Variants in DOP1A observed in about 807,000 individuals in gnomAD.
DOP1A encodes protein DOP1A.
DOP1A carries 90 observed loss-of-function variants against 267.6 expected under a neutral mutation model. That is an observed-to-expected ratio of 0.34 (90% CI 0.28 to 0.40). The LOEUF (loss-of-function observed/expected upper bound fraction) is 0.40, where lower values mean the gene tolerates loss of function less well. Ranked by LOEUF, DOP1A falls within the 10% of genes least tolerant of loss-of-function variation. DOP1A has a pLI of 1.00. For missense variants in DOP1A, 2,437 were observed against 2,900.4 expected, an observed-to-expected ratio of 0.84 and a Z score of 3.67; for synonymous variants, 932 against 999.1, an observed-to-expected ratio of 0.93 and a Z score of 1.27.
At position 83,119,831 on chromosome 6, in the gene DOP1A, A is replaced by G. The variant is rs1432553787; in HGVS notation, c.964A>G (p.Thr322Ala). The change falls in exon 9 of 39, where the codon ACC (threonine) becomes GCC (alanine). Residue 322 changes from threonine (T) to alanine (A), a missense_variant. Transcript: ENST00000349129. ...AGAACATGCCACTTACTATTTCACT[A>G]CCTTTTCAAAAGAATTATTAGTCCA... ...PEEHATYYFTTFSKELLVQAM... is the reference protein window; with the variant it reads ...PEEHATYYFTAFSKELLVQAM... 1 of 1,612,574 alleles carries G rather than the reference A, an allele frequency of 6.2e-7. No individual in the cohort carries two copies. The highest frequency in any genetic ancestry group is 1.1e-5 in the South Asian group (1 of 91,002).
intron 3 of DOP1A, among the ~76,000 whole-genome samples, chr6:83,099,233 C>T (rs1047130986): frequency 2.6e-5 from 4 of 152,100 alleles, no homozygotes; most frequent in Non-Finnish European, 4.4e-5. Context: ...CAACCTGATA[C>T]GACAGATAAT....
At chr6:83,074,065 T>C (rs1183783844) in intron 1 of DOP1A, among the ~76,000 whole-genome samples, 1 of 152,246 alleles carries the variant, frequency 6.6e-6, no homozygotes, top group Non-Finnish European at 1.5e-5. Context: ...TAGAAGCCAG[T>C]ATGTGAATAT....
At chr6:83,159,996 G>C in intron 37 of DOP1A, 36 bp downstream of exon 37, 1 of 1,605,094 alleles carries the variant, frequency 6.2e-7, no homozygotes, top group East Asian at 2.2e-5. Context: ...GGTTATTTTT[G>C]AAAGTGCATT....
In DOP1A at chr6:83,137,335, T is replaced by C; in HGVS notation, c.3293T>C (p.Leu1098Pro). ...TIPMVVSDFD[L>P]PDQQIEILQS... ...CCAATGGTTGTGTCTGATTTTGATCTTCCAGACCAACAGATAGAAATACTT... is the reference window on the plus strand; with the variant it reads ...CCAATGGTTGTGTCTGATTTTGATCCTCCAGACCAACAGATAGAAATACTT... Residue 1098 changes from leucine (L) to proline (P), a missense_variant, in exon 21 of 39, where the codon CTT (leucine) becomes CCT (proline). Physicochemically the swap from Leu to Pro is moderately conservative, Grantham distance 98. Transcript: ENST00000349129. 6.2e-7 allele frequency: 1 copy of C among 1,613,800 alleles called. No homozygotes were observed.
chr6:83,074,341 C>A (rs1400346754), intron 1 of DOP1A, among the ~76,000 whole-genome samples: 1 of 151,974 alleles, frequency 6.6e-6, no homozygotes, highest in Non-Finnish European at 1.5e-5. Flanking sequence ...GGAGGAAATA[C>A]CACATTTTAC....
chr6:83,127,164 T>G (rs1175839002), intron 15 of DOP1A, among the ~76,000 whole-genome samples: 1 of 152,198 alleles, frequency 6.6e-6, no homozygotes, highest in Admixed American at 6.5e-5. Flanking sequence ...GTTGCAAATC[T>G]TATGACTTCT....
intron 1 of DOP1A, among the ~76,000 whole-genome samples, chr6:83,071,072 C>T (rs1785505887): frequency 6.6e-6 from 1 of 152,208 alleles, no homozygotes; most frequent in South Asian, 2.1e-4. Flanking sequence ...AAACTATTGC[C>T]TGCAGGAGGC....
At chr6:83,088,040 C>T (rs1055987525) in intron 1 of DOP1A, among the ~76,000 whole-genome samples, 1 of 151,986 alleles carries the variant, frequency 6.6e-6, no homozygotes, top group African/African-American at 2.4e-5. Flanking sequence ...CCCGGCTAAC[C>T]TTTTGTATTT....
At chr6:83,125,137 C>T in intron 13 of DOP1A, 29 bp from the exon 14 acceptor site, 1 of 1,574,226 alleles carries the variant, frequency 6.4e-7, no homozygotes, top group Non-Finnish European at 8.6e-7. Context: ...TGTTTTCTCT[C>T]CTCACTTCTT....
At chr6:83,132,108 T>A in intron 17 of DOP1A, 68 bp from the exon 18 acceptor site, 1 of 1,548,150 alleles carries the variant, frequency 6.5e-7, no homozygotes, top group Non-Finnish European at 8.8e-7. Flanking sequence ...CATTTGTACC[T>A]AATAGGAAAT....
At chr6:83,162,412 T>C (rs1023538699) in intron 37 of DOP1A, among the ~76,000 whole-genome samples, 2 of 152,204 alleles carry the variant, frequency 1.3e-5, no homozygotes, top group Admixed American at 6.5e-5. Context: ...TTTGTCAGAC[T>C]GTTATGTTGC....
At chr6:83,166,243 T>C (rs929100887) in intron 38 of DOP1A, 4 of 522,214 alleles carry the variant, frequency 7.7e-6, no homozygotes, top group South Asian at 7.0e-5. Flanking sequence ...ATGGTCAACA[T>C]TGAGTTCTTG....
intron 15 of DOP1A, among the ~76,000 whole-genome samples, chr6:83,126,397 C>T (rs780398390): frequency 1.3e-5 from 2 of 151,938 alleles, no homozygotes; most frequent in African/African-American, 2.4e-5. Context: ...GGGGTTTCAC[C>T]GGGGACCCGT....
intron 15 of DOP1A, among the ~76,000 whole-genome samples, chr6:83,128,013 T>C (rs1411590983): frequency 1.3e-5 from 2 of 151,902 alleles, no homozygotes; most frequent in Non-Finnish European, 2.9e-5. Context: ...GATATGAAAG[T>C]GGGGAAGGGG....
At chr6:83,132,967 G>A (rs1778312797) in intron 18 of DOP1A, among the ~76,000 whole-genome samples, 1 of 152,040 alleles carries the variant, frequency 6.6e-6, no homozygotes, top group South Asian at 2.1e-4. Context: ...TTTTATTGAA[G>A]AGCTTTTAGA....
downstream of DOP1A, chr6:83,169,966 C>T (rs1299828663): frequency 2.6e-6 from 1 of 381,360 alleles, no homozygotes; most frequent in Non-Finnish European, 5.0e-6. Flanking sequence ...GTTTTCATGT[C>T]ACAAGAGTAT....
At position 83,129,132 on chromosome 6, in the gene DOP1A, C is replaced by T. The variant is rs1348281890; in HGVS notation, c.1965C>T (p.Ser655=). ...GSEETIIQTP[S]VVTQGTATRS... ...AAGAAACCATCATCCAGACCCCTTC[C>T]GTAGTCACTCAGGGGACAGCAACCC... Residue 655 remains serine, a synonymous_variant, in exon 16 of 39, where the codon TCC becomes TCT. Transcript: ENST00000349129. 5.0e-6 allele frequency: 8 copies of T among 1,613,656 alleles called. No homozygotes were observed. The highest frequency in any genetic ancestry group is 2.7e-5 in the African/African-American group (2 of 74,918).
At chr6:83,103,062 C>T (rs73749703) in intron 4 of DOP1A, among the ~76,000 whole-genome samples, 4,329 of 152,116 alleles carry the variant, frequency 0.028, 153 homozygotes, top group East Asian at 0.084. Flanking sequence ...CCCTAGTATT[C>T]TATTCTATTG....
At chr6:83,168,529 T>C (rs1786394203), downstream of DOP1A, 1 of 1,009,050 alleles carries the variant, frequency 9.9e-7, no homozygotes, top group Admixed American at 5.4e-5. Flanking sequence ...CTTTTCCTTA[T>C]TAACCATGTT....
Sources: allele counts gnomAD v4.1 joint callset (sites outside exome capture counted in the v4.1 genomes callset), GRCh38; gene constraint gnomAD v4.1.1; transcripts MANE v1.5; gene names NCBI Gene and HGNC (gene_info 2026-07-23, HGNC 2026-07-21).